NRG3: variants seen among roughly 807,000 people sequenced by gnomAD.
The protein encoded by NRG3 is neuregulin 3.
In NRG3, 31 loss-of-function variants were observed where a neutral mutation model predicts 66.9. The ratio of observed to expected loss-of-function variants is 0.46; its 90% CI spans 0.35 to 0.63. The LOEUF (loss-of-function observed/expected upper bound fraction) is 0.63, where lower values mean the gene tolerates loss of function less well. Ranked by LOEUF, NRG3 falls within the 20% of genes least tolerant of loss-of-function variation. The pLI, the probability that NRG3 is intolerant of heterozygous loss-of-function variation, is 0.00. For synonymous variants in NRG3, 393 were observed against 359.4 expected (o/e 1.09, Z -1.06); for missense variants, 910 against 878.9 (o/e 1.04, Z -0.45).
At position 81,968,533 on chromosome 10, in the gene NRG3, C is replaced by T. The variant is rs1215419315; in HGVS notation, c.823+92370C>T. 2.0e-5 allele frequency among the ~76,000 whole-genome samples: 3 copies of T among 152,206 alleles called. No homozygotes were observed. The East Asian group carries it at 5.8e-4, about 29-fold the overall frequency. On this transcript the variant is annotated intron_variant, in intron 1 of 8. Transcript: ENST00000372141. ...GGACTGGGCACCCCTCTTCCAGCTG[C>T]CGTGTTTTGGCAGGAACTCTGAGAA...
chr10:82,450,102 T>G (rs1351268764), intron 2 of NRG3, among the ~76,000 whole-genome samples: 1 of 152,216 alleles, frequency 6.6e-6, no homozygotes, highest in East Asian at 1.9e-4. Context: ...ATACATCAAG[T>G]TCAACATTTC....
chr10:82,325,616 C>CT (rs111541064), intron 1 of NRG3, among the ~76,000 whole-genome samples: 23,726 of 150,360 alleles, frequency 0.16, 3,071 homozygotes, highest in African/African-American at 0.35. Context: ...ATAACGTTTC[C>CT]TTTTTTTTTG....
At chr10:82,025,944 C>A (rs1221523748) in intron 1 of NRG3, among the ~76,000 whole-genome samples, 2 of 152,010 alleles carry the variant, frequency 1.3e-5, no homozygotes, top group African/African-American at 4.8e-5. Flanking sequence ...GACAGCCCTG[C>A]CCCTGCTCCA....
At chr10:82,081,553 T>G (rs1300899829) in intron 1 of NRG3, among the ~76,000 whole-genome samples, 1 of 152,192 alleles carries the variant, frequency 6.6e-6, no homozygotes, top group Non-Finnish European at 1.5e-5. Flanking sequence ...GTTAACAGTC[T>G]TTCTAGGTAA....
chr10:82,617,853 C>T (rs567978218), intron 2 of NRG3, among the ~76,000 whole-genome samples: 30 of 152,248 alleles, frequency 2.0e-4, no homozygotes, highest in African/African-American at 6.5e-4. Flanking sequence ...CCGGCAAATG[C>T]GTCTAATGTG....
chr10:82,212,250 G>T (rs1222643518), intron 1 of NRG3, among the ~76,000 whole-genome samples: 2 of 152,148 alleles, frequency 1.3e-5, no homozygotes, highest in East Asian at 3.9e-4. Flanking sequence ...GCACCTCGTT[G>T]TAGATAAACA....
At chr10:82,234,855 T>G (rs1375000798) in intron 1 of NRG3, among the ~76,000 whole-genome samples, 2 of 152,240 alleles carry the variant, frequency 1.3e-5, no homozygotes, top group African/African-American at 2.4e-5. Flanking sequence ...GTTGTGACCA[T>G]GCTATGCAGC....
chr10:82,234,936 A>G (rs1304918851), intron 1 of NRG3, among the ~76,000 whole-genome samples: 2 of 152,168 alleles, frequency 1.3e-5, no homozygotes, highest in Non-Finnish European at 2.9e-5. Flanking sequence ...ATGTGTTTGT[A>G]TTTCTTATTT....
At chr10:82,345,357 A>G (rs1298058683) in intron 1 of NRG3, among the ~76,000 whole-genome samples, 2 of 150,198 alleles carry the variant, frequency 1.3e-5, no homozygotes, top group African/African-American at 5.0e-5. Flanking sequence ...CAGGTTTGTC[A>G]AAGATCAGAT....
chr10:82,133,437 G>A (rs1040080525), intron 1 of NRG3, among the ~76,000 whole-genome samples: 7 of 151,916 alleles, frequency 4.6e-5, no homozygotes, highest in African/African-American at 1.2e-4. Context: ...GTAGACCCCC[G>A]TGCCTGTTGT....
chr10:82,040,762 C>A (rs1480759229), intron 1 of NRG3, among the ~76,000 whole-genome samples: 1 of 152,016 alleles, frequency 6.6e-6, no homozygotes, highest in Non-Finnish European at 1.5e-5. Flanking sequence ...ACTACATTAA[C>A]CTGCTGCTGT....
chr10:82,956,549 A>G (rs1850071367), intron 5 of NRG3, among the ~76,000 whole-genome samples: 1 of 151,970 alleles, frequency 6.6e-6, no homozygotes, highest in Non-Finnish European at 1.5e-5. Context: ...TTATAAAAGG[A>G]TTTAGGAAAC....
At chr10:81,961,176 G>A (rs550714838) in intron 1 of NRG3, among the ~76,000 whole-genome samples, 1 of 152,220 alleles carries the variant, frequency 6.6e-6, no homozygotes, top group South Asian at 2.1e-4. Context: ...GAATTAACAT[G>A]TATAATTTAA....
chr10:82,564,191 T>G (rs1299051570), intron 2 of NRG3, among the ~76,000 whole-genome samples: 2 of 152,172 alleles, frequency 1.3e-5, no homozygotes, highest in African/African-American at 4.8e-5. Flanking sequence ...TGATTAATGA[T>G]GTCTCATCCT....
rs181075372 is a variant in NRG3 at position 82,161,376 on chromosome 10, G to A, written c.824-197363G>A. Among the ~76,000 whole-genome samples the A allele has an allele frequency of 3.3e-3, 506 of 152,210 alleles. 1 individual carries two copies. Among genetic ancestry groups the A allele is most frequent in the African/African-American group, 0.012 (479 of 41,564 alleles). ...CACAAGTCCTGAGTTCCAACTTTAA[G>A]GAGCATGAAATCTTGTTTTAAATAC... On this transcript the variant is annotated intron_variant, in intron 1 of 8. Transcript: ENST00000372141.
At chr10:82,209,587 C>T (rs1408282461) in intron 1 of NRG3, among the ~76,000 whole-genome samples, 2 of 152,124 alleles carry the variant, frequency 1.3e-5, no homozygotes, top group African/African-American at 4.8e-5. Flanking sequence ...TCTAACAGCA[C>T]AAGATGAGGT....
chr10:82,975,774 A>T (rs1478650304), intron 7 of NRG3, among the ~76,000 whole-genome samples: 1 of 152,196 alleles, frequency 6.6e-6, no homozygotes, highest in Non-Finnish European at 1.5e-5. Context: ...TGAATAGCTG[A>T]TTGATCAATA....
chr10:82,129,039 A>T (rs2068642043), intron 1 of NRG3, among the ~76,000 whole-genome samples: 1 of 151,930 alleles, frequency 6.6e-6, no homozygotes, highest in Admixed American at 6.6e-5. Context: ...CAGCCTCGCA[A>T]GTAGCTGTGA....
At chr10:81,939,679 G>T (rs1315749733) in intron 1 of NRG3, among the ~76,000 whole-genome samples, 3 of 145,606 alleles carry the variant, frequency 2.1e-5, no homozygotes, top group African/African-American at 5.1e-5. Context: ...CTAGCTAAGG[G>T]TGTGTCACTT....
Sources: allele counts gnomAD v4.1 joint callset (sites outside exome capture counted in the v4.1 genomes callset), GRCh38; gene constraint gnomAD v4.1.1; transcripts MANE v1.5; gene names NCBI Gene and HGNC (gene_info 2026-07-23, HGNC 2026-07-21).